The following PEAK1 variants were observed in gnomAD, a reference collection of about 807,000 sequenced individuals.
PEAK1 encodes inactive tyrosine-protein kinase PEAK1.
Under a neutral mutation model 124.7 loss-of-function variants are expected in PEAK1, and 54 were observed. The ratio of observed to expected loss-of-function variants is 0.43; its 90% confidence interval spans 0.35 to 0.54. PEAK1 has a LOEUF of 0.54. PEAK1 is among the 20% of genes least tolerant of loss of function. The pLI is 0.01. For synonymous variants in PEAK1, 719 were observed against 760.0 expected, an observed-to-expected ratio of 0.95 and a Z score of 0.89; for missense variants, 2,046 against 2,134.5, an observed-to-expected ratio of 0.96 and a Z score of 0.82.
At chr15:77,220,767 G>C (rs956281002) in intron 6 of PEAK1, among the ~76,000 whole-genome samples, 1 of 151,972 alleles carries the variant, frequency 6.6e-6, no homozygotes, top group African/African-American at 2.4e-5. Flanking sequence ...TTTCTTATGT[G>C]TTTTTTATGA....
At chr15:77,244,252 T>C (rs2060480905) in intron 6 of PEAK1, among the ~76,000 whole-genome samples, 1 of 152,216 alleles carries the variant, frequency 6.6e-6, no homozygotes, top group African/African-American at 2.4e-5. Flanking sequence ...CCACATCAGG[T>C]TGTTTCACTT....
chr15:77,284,059 T>C (rs1347030514), intron 4 of PEAK1, 29 bp from the exon 5 acceptor site: 1 of 984,506 alleles, frequency 1.0e-6, no homozygotes, highest in Non-Finnish European at 1.2e-6. Context: ...ATAAACTTGG[T>C]TGAGAGTCAC....
intron 8 of PEAK1, among the ~76,000 whole-genome samples, chr15:77,145,447 T>TC (rs1236787616): frequency 2.3e-5 from 3 of 132,518 alleles, no homozygotes; most frequent in Non-Finnish European, 5.1e-5. Context: ...AGATTCCATC[T>TC]CAAAAAAAAA....
chr15:77,385,312 T>G (rs1426535436), intron 1 of PEAK1, among the ~76,000 whole-genome samples: 1 of 152,202 alleles, frequency 6.6e-6, no homozygotes, highest in Non-Finnish European at 1.5e-5. Flanking sequence ...AAAACAAATG[T>G]TCTTTAAAGT....
chr15:77,280,462 A>G (rs1166778787), intron 5 of PEAK1, among the ~76,000 whole-genome samples: 1 of 152,132 alleles, frequency 6.6e-6, no homozygotes, highest in Non-Finnish European at 1.5e-5. Flanking sequence ...CATAAAGTGT[A>G]TTCTAGTCTT....
chr15:77,107,322 C>G (rs1451814386), downstream of PEAK1: 1 of 152,264 alleles, frequency 6.6e-6, no homozygotes, highest in Non-Finnish European at 1.5e-5. Flanking sequence ...AGGCAACACA[C>G]AGAGAGCTTT....
In PEAK1 at chr15:77,290,511, C is replaced by T. The variant is rs575399825; in HGVS notation, c.-602-4007G>A. Among the ~76,000 whole-genome samples, 10 of 152,270 alleles carry T rather than the reference C, an allele frequency of 6.6e-5. No homozygotes were observed. The East Asian group carries it at 1.9e-3, about 29-fold the overall frequency. On this transcript the variant is annotated intron_variant, in intron 2 of 9. Coordinates refer to ENST00000682557, the MANE Select transcript of PEAK1 (RefSeq NM_001385026.1). ...CAAGTGATACACCCGCTTCAGCCTC[C>T]CAAAGTGCTGGGATTACAGGCATAA...
chr15:77,332,932 G>A (rs1341291154), intron 2 of PEAK1: 1 of 328,968 alleles, frequency 3.0e-6, no homozygotes, highest in Admixed American at 6.5e-5. Flanking sequence ...CACATTTATT[G>A]GTTGATTTTG....
At chr15:77,312,819 A>G (rs1254814631) in intron 2 of PEAK1, among the ~76,000 whole-genome samples, 1 of 152,228 alleles carries the variant, frequency 6.6e-6, no homozygotes, top group Non-Finnish European at 1.5e-5. Context: ...TTGTACTTAC[A>G]TGTCCCTGGC....
In PEAK1 at chr15:77,113,386, G is replaced by A. The variant is rs1423294722; in HGVS notation, c.*770C>T. Reference sequence around the variant, plus strand: ...CACTCCACCCTGCTGAGGCATTGGTGACACCACCTTGGGTCAGCTCTGTAA... The same window carrying A: ...CACTCCACCCTGCTGAGGCATTGGTAACACCACCTTGGGTCAGCTCTGTAA... On this transcript the variant is annotated 3_prime_UTR_variant, in exon 10 of 10. Transcript: ENST00000682557. The A allele has an allele frequency of 6.6e-6, 1 of 152,306 alleles. No homozygotes were observed. Among genetic ancestry groups the A allele is most frequent in the East Asian group, 1.9e-4 (1 of 5,204 alleles). The allele number at this position is 152,306 out of a possible 1,614,324, so 9.4% of individuals were successfully genotyped here.
chr15:77,178,823 G>T lies in PEAK1; in HGVS notation c.3104C>A (p.Ser1035Tyr), dbSNP rs1341306288. 4 of 1,613,880 alleles carry T rather than the reference G, an allele frequency of 2.5e-6. No individual in the cohort carries two copies. Among genetic ancestry groups the T allele is most frequent in the Non-Finnish European group, 3.4e-6 (4 of 1,179,916 alleles). The change falls in exon 7 of 10, where the codon TCT (serine) becomes TAT (tyrosine). Residue 1035 changes from serine to tyrosine, a missense_variant. Physicochemically the swap from Ser to Tyr is moderately radical, Grantham distance 144. Transcript: ENST00000682557. ...LQDSEKKRSH[S>Y]SPSQIPKKIL... is the part of the protein sequence containing the mutation. ...CTTTTTAGGAATCTGTGATGGAGAA[G>T]AATGACTCCTCTTCTTCTCTGAGTC...
At chr15:77,256,693 T>C (rs1461318782) in intron 5 of PEAK1, among the ~76,000 whole-genome samples, 1 of 152,054 alleles carries the variant, frequency 6.6e-6, no homozygotes, top group Non-Finnish European at 1.5e-5. Context: ...GCCAGTTCAT[T>C]TGTTTATATA....
Position 77,133,876 on chromosome 15 carries a change from G to T in PEAK1, c.3332-126C>A. On this transcript the variant is annotated intron_variant, in intron 8 of 9. Coordinates refer to ENST00000682557, the MANE Select transcript of PEAK1 (RefSeq NM_001385026.1). This position sits in a 1 kb window ranked among gnomAD's most constrained non-coding sequence, Gnocchi z 4.2. ...AATGTAAGAATAAGTCAACTCTTTAGTTCAAAATGGGAAAAGAGAACAACC... is the reference window on the plus strand; with the variant it reads ...AATGTAAGAATAAGTCAACTCTTTATTTCAAAATGGGAAAAGAGAACAACC... The T allele has an allele frequency of 1.9e-6, 2 of 1,072,822 alleles. No individual in the cohort carries two copies. The highest frequency in any genetic ancestry group is 2.6e-6 in the Non-Finnish European group (2 of 779,192). The allele number at this position is 1,072,822 out of a possible 1,614,324, so 66.5% of individuals were successfully genotyped here.
intron 1 of PEAK1, among the ~76,000 whole-genome samples, chr15:77,379,133 C>T (rs1373362258): frequency 1.3e-5 from 2 of 152,160 alleles, no homozygotes; most frequent in South Asian, 2.1e-4. Flanking sequence ...AAGAAAAAGG[C>T]AACCTACAAA....
intron 1 of PEAK1, among the ~76,000 whole-genome samples, chr15:77,378,190 A>T (rs189515449): frequency 0.018 from 2,322 of 126,894 alleles, 63 homozygotes; most frequent in African/African-American, 0.057. Context: ...TAACAATATT[A>T]TATATATATA....
chr15:77,147,214 A>G (rs1200469512), intron 8 of PEAK1, among the ~76,000 whole-genome samples: 2 of 152,204 alleles, frequency 1.3e-5, no homozygotes, highest in Admixed American at 1.3e-4. Flanking sequence ...TCCTAGATGA[A>G]CTTTCCTGAG....
At chr15:77,160,683 A>G (rs1192659346) in intron 7 of PEAK1, among the ~76,000 whole-genome samples, 1 of 152,050 alleles carries the variant, frequency 6.6e-6, no homozygotes, top group Non-Finnish European at 1.5e-5. Context: ...TCAAAACAAA[A>G]TCAGCCCCCA....
intron 6 of PEAK1, among the ~76,000 whole-genome samples, chr15:77,212,453 A>T (rs893135873): frequency 2.0e-5 from 3 of 152,164 alleles, no homozygotes; most frequent in African/African-American, 7.2e-5. Flanking sequence ...TAACTTTCGG[A>T]AAAAAGGTAA....
chr15:77,235,066 G>A (rs1371301252), intron 6 of PEAK1, among the ~76,000 whole-genome samples: 1 of 152,008 alleles, frequency 6.6e-6, no homozygotes, highest in Non-Finnish European at 1.5e-5. Flanking sequence ...CTTCCACCAT[G>A]ATTTTAAGTT....
Sources: allele counts gnomAD v4.1 joint callset (sites outside exome capture counted in the v4.1 genomes callset), GRCh38; gene constraint gnomAD v4.1.1; non-coding constraint Gnocchi (gnomAD v3.1); transcripts MANE v1.5; gene names NCBI Gene and HGNC (gene_info 2026-07-23, HGNC 2026-07-21).